The following SNX14 variants were observed in gnomAD, a reference collection of about 807,000 sequenced individuals.
SNX14 encodes sorting nexin 14.
In SNX14, 93 loss-of-function variants were observed where a neutral mutation model predicts 133.8. The ratio of observed to expected loss-of-function variants is 0.70; its 90% CI spans 0.59 to 0.83. The LOEUF is 0.83. Ranked by LOEUF, SNX14 falls within the 40% of genes least tolerant of loss-of-function variation. SNX14 has a pLI of 0.00. For synonymous variants in SNX14, 368 were observed against 365.6 expected, an observed-to-expected ratio of 1.01 and a Z score of -0.07; for missense variants, 945 against 1,094.9, an observed-to-expected ratio of 0.86 and a Z score of 1.93.
chr6:85,536,757 G>A (rs1191468129), intron 17 of SNX14, 35 bp downstream of exon 17: 9 of 1,592,526 alleles, frequency 5.7e-6, no homozygotes, highest in Non-Finnish European at 7.7e-6. Flanking sequence ...TAAGTCTGAA[G>A]TTATAAATAA....
At position 85,536,780 on chromosome 6, in the gene SNX14, C is replaced by T. The variant is rs1782089356; in HGVS notation, c.1608+12G>A. On this transcript the variant is annotated intron_variant, in intron 17 of 28. Coordinates refer to ENST00000314673, the MANE Select transcript of SNX14 (RefSeq NM_153816.6). ...AAGTTATAAATAAATCAAATTGATACATTTTACTTACAAAATCATCTTCAC... is the reference window on the plus strand; with the variant it reads ...AAGTTATAAATAAATCAAATTGATATATTTTACTTACAAAATCATCTTCAC... 6.2e-7 allele frequency: 1 copy of T among 1,604,194 alleles called. No homozygotes were observed. The highest frequency in any genetic ancestry group is 1.3e-5 in the African/African-American group (1 of 74,538).
chr6:85,536,681 TAAAC>T, intron 17 of SNX14, 107 bp downstream of exon 17: 1 of 1,004,028 alleles, frequency 1.0e-6, no homozygotes. Flanking sequence ...GGTAAAGTAT[TAAAC>T]AGAATACACA....
intron 6 of SNX14, among the ~76,000 whole-genome samples, chr6:85,563,459 T>G (rs1190403589): frequency 6.6e-6 from 1 of 152,216 alleles, no homozygotes; most frequent in East Asian, 1.9e-4. Context: ...TGGCACGATC[T>G]CGGCTCATTA....
intron 22 of SNX14, 21 bp from the exon 23 acceptor site, chr6:85,517,896 A>T: frequency 6.3e-7 from 1 of 1,579,950 alleles, no homozygotes; most frequent in African/African-American, 1.4e-5. Flanking sequence ...AGATTATTGT[A>T]AGAAAATAAA....
intron 4 of SNX14, chr6:85,568,482 C>T (rs556222547): frequency 6.6e-6 from 1 of 152,256 alleles, no homozygotes; most frequent in East Asian, 1.9e-4. Flanking sequence ...AAAATTTTAC[C>T]TGTACACTCA....
chr6:85,507,126 C>A, intron 28 of SNX14, 107 bp downstream of exon 28: 5 of 1,023,706 alleles, frequency 4.9e-6, no homozygotes, highest in East Asian at 5.1e-5. Context: ...TTTTAAAGAA[C>A]CACAGAGAAC....
intron 7 of SNX14, among the ~76,000 whole-genome samples, chr6:85,552,247 G>C (rs1051439288): frequency 2.0e-5 from 3 of 151,540 alleles, no homozygotes. Flanking sequence ...CGTTTTAGCC[G>C]GGATGGTCTC....
chr6:85,532,073 AT>A (rs1390208995), intron 18 of SNX14, among the ~76,000 whole-genome samples: 1 of 152,106 alleles, frequency 6.6e-6, no homozygotes, highest in Non-Finnish European at 1.5e-5. Flanking sequence ...AAGTTTTAAG[AT>A]TTTTTGGTTT....
chr6:85,558,681 C>T (rs1790550074), intron 6 of SNX14, among the ~76,000 whole-genome samples: 1 of 152,102 alleles, frequency 6.6e-6, no homozygotes, highest in African/African-American at 2.4e-5. Flanking sequence ...CCAGGCTGGT[C>T]TCCAACACCT....
chr6:85,513,045 C>G (rs937290302), intron 26 of SNX14, among the ~76,000 whole-genome samples: 1 of 152,218 alleles, frequency 6.6e-6, no homozygotes, highest in Non-Finnish European at 1.5e-5. Flanking sequence ...CTCTACTAAT[C>G]TATCCTATAC....
intron 4 of SNX14, among the ~76,000 whole-genome samples, chr6:85,570,731 T>C (rs1260135657): frequency 6.6e-6 from 1 of 151,852 alleles, no homozygotes; most frequent in Non-Finnish European, 1.5e-5. Context: ...TGTGCGCTTG[T>C]AGTCCCAGCT....
chr6:85,569,083 C>T (rs1794797340), intron 4 of SNX14, among the ~76,000 whole-genome samples: 1 of 152,106 alleles, frequency 6.6e-6, no homozygotes, highest in Non-Finnish European at 1.5e-5. Flanking sequence ...CTGCCTCAGC[C>T]TCCCAAGTAG....
intron 12 of SNX14, among the ~76,000 whole-genome samples, 157 bp downstream of exon 12, chr6:85,546,955 C>T (rs565148601): frequency 1.4e-5 from 2 of 144,946 alleles, no homozygotes; most frequent in South Asian, 4.4e-4. Context: ...GAGTGAAATT[C>T]CGCCTCAAAC....
At chr6:85,542,769 G>C (rs888448373) in intron 14 of SNX14, among the ~76,000 whole-genome samples, 2 of 151,856 alleles carry the variant, frequency 1.3e-5, no homozygotes. Context: ...TGGTTTTTTT[G>C]TTCTGTTTTC....
intron 7 of SNX14, among the ~76,000 whole-genome samples, chr6:85,556,380 A>C (rs1169465649): frequency 6.6e-6 from 1 of 152,110 alleles, no homozygotes; most frequent in Non-Finnish European, 1.5e-5. Flanking sequence ...CCTGAGCAAC[A>C]CAGTGAGACC....
chr6:85,583,735 A>C (rs1300929835), intron 1 of SNX14, among the ~76,000 whole-genome samples: 1 of 152,234 alleles, frequency 6.6e-6, no homozygotes, highest in African/African-American at 2.4e-5. Context: ...CCACTGCTCA[A>C]GGAAATACGA....
chr6:85,562,856 T>A (rs1292358148), intron 6 of SNX14, among the ~76,000 whole-genome samples: 1 of 152,106 alleles, frequency 6.6e-6, no homozygotes, highest in Non-Finnish European at 1.5e-5. Flanking sequence ...CCACCTCAGA[T>A]TACAGGCATG....
chr6:85,530,431 G>C (rs1355005799), intron 18 of SNX14, among the ~76,000 whole-genome samples, 156 bp from the exon 19 acceptor site: 1 of 152,084 alleles, frequency 6.6e-6, no homozygotes, highest in East Asian at 1.9e-4. Flanking sequence ...GATCATTTGA[G>C]GTCAGGAGTT....
chr6:85,513,944 C>T (rs1773868252), intron 25 of SNX14, 49 bp from the exon 26 acceptor site: 1 of 1,566,400 alleles, frequency 6.4e-7, no homozygotes, highest in East Asian at 2.2e-5. Flanking sequence ...TCTATTTATA[C>T]ACAAAGGATT....
Sources: gnomAD v4.1 joint callset for allele counts (sites outside exome capture counted in the v4.1 genomes callset) on GRCh38, gnomAD v4.1.1 for gene constraint, MANE v1.5 for transcripts, NCBI Gene and HGNC (gene_info 2026-07-23, HGNC 2026-07-21) for gene names.